INPP4A: variants seen among roughly 807,000 people sequenced by gnomAD.
The protein encoded by INPP4A is inositol polyphosphate-4-phosphatase, type I, 107kD.
In INPP4A, 33 loss-of-function variants were observed where a neutral mutation model predicts 119.8. The ratio of observed to expected loss-of-function variants is 0.28; its 90% CI spans 0.21 to 0.37. The LOEUF (loss-of-function observed/expected upper bound fraction) is 0.37. Ranked by LOEUF, INPP4A falls within the 10% of genes least tolerant of loss-of-function variation. The probability of loss-of-function intolerance (pLI) is 1.00; values close to 1 mark genes in which losing one functional copy is unlikely to be tolerated. For synonymous variants in INPP4A, 496 were observed against 500.7 expected (o/e 0.99, Z 0.12); for missense variants, 956 against 1,289.9 (o/e 0.74, Z 3.97).
rs1424568974 is a variant in INPP4A, at chr2:98,592,032, T to A, written c.*4424T>A. ...AGAAGAGCTGTTCTGTGTATAGGGGTATTGGGAACACATGGACAGAAGGAA... is the reference window on the plus strand; with the variant it reads ...AGAAGAGCTGTTCTGTGTATAGGGGAATTGGGAACACATGGACAGAAGGAA... On this transcript the variant is annotated 3_prime_UTR_variant, in exon 25 of 25. Transcript: ENST00000409851. 1 of 151,914 alleles carries A rather than the reference T, an allele frequency of 6.6e-6. No homozygotes were observed. The highest frequency in any genetic ancestry group is 1.9e-4 in the East Asian group (1 of 5,176). 9.4% of individuals were successfully genotyped at this position (151,914 alleles called of 1,614,324 possible). A position where few individuals can be genotyped will look rare whatever the true frequency, so the allele number is the denominator to read the frequency against.
intron 11 of INPP4A, 60 bp downstream of exon 11, chr2:98,544,067 T>C: frequency 7.9e-7 from 1 of 1,271,854 alleles, no homozygotes; most frequent in South Asian, 1.5e-5. Context: ...ACACACACTC[T>C]CACTCTCACT....
chr2:98,520,045 C>A lies in INPP4A; in HGVS notation c.-4C>A. ...TCAAGAAGCACATCATCACCAATGACATCATGACAGCAAGAGAGCACAGCC... is the reference window on the plus strand; with the variant it reads ...TCAAGAAGCACATCATCACCAATGAAATCATGACAGCAAGAGAGCACAGCC... On this transcript the variant is annotated 5_prime_UTR_variant, in exon 3 of 25. Coordinates refer to ENST00000409851, the MANE Select transcript of INPP4A (RefSeq NM_001134225.2). The A allele has an allele frequency of 6.3e-7, 1 of 1,575,932 alleles. No homozygotes were observed. The highest frequency in any genetic ancestry group is 8.6e-7 in the Non-Finnish European group (1 of 1,158,792).
At chr2:98,475,839 C>T (rs3769735) in intron 1 of INPP4A, among the ~76,000 whole-genome samples, 46,992 of 152,008 alleles carry the variant, frequency 0.31, 7,622 homozygotes, top group African/African-American at 0.4. Flanking sequence ...TGTGTGTCCA[C>T]CTTGCCTGCC....
chr2:98,529,255 C>T (rs1688754536), intron 4 of INPP4A, among the ~76,000 whole-genome samples: 1 of 151,982 alleles, frequency 6.6e-6, no homozygotes, highest in Non-Finnish European at 1.5e-5. Flanking sequence ...TACAAAAAGC[C>T]ACCTATTGTA....
chr2:98,572,187 G>A (rs1575141123), intron 22 of INPP4A, among the ~76,000 whole-genome samples: 1 of 152,236 alleles, frequency 6.6e-6, no homozygotes, highest in Non-Finnish European at 1.5e-5. Context: ...AGGAGTGGTT[G>A]ATTTTTCCTC....
At chr2:98,445,393 G>A (rs542219029) in intron 1 of INPP4A, among the ~76,000 whole-genome samples, 3 of 152,350 alleles carry the variant, frequency 2.0e-5, no homozygotes, top group African/African-American at 7.2e-5. Flanking sequence ...GCGGCTCCAG[G>A]GCTGGGTCTA....
chr2:98,552,789 A>C lies in INPP4A; in HGVS notation c.1167A>C (p.Thr389=), dbSNP rs1254205451. The stretch of plus-strand genomic sequence containing the variant: ...AATCCATTCTTATCCTTTCCAGTAC[A>C]TCATCTGGCTGCCAGTCCATAATCT... ...LHKFEETKKH[T]SSGCQSIIYI... The change falls in exon 14 of 25, where the codon ACA becomes ACC. Residue 389 remains threonine (T), a synonymous_variant. Coordinates refer to ENST00000409851, the MANE Select transcript of INPP4A (RefSeq NM_001134225.2). 1 of 1,611,402 alleles carries C rather than the reference A, an allele frequency of 6.2e-7. No homozygotes were observed. The highest frequency in any genetic ancestry group is 1.7e-5 in the Admixed American group (1 of 60,000).
At chr2:98,474,536 G>A (rs894921874) in intron 1 of INPP4A, among the ~76,000 whole-genome samples, 16 of 152,216 alleles carry the variant, frequency 1.1e-4, no homozygotes, top group African/African-American at 3.4e-4. Context: ...GCCAGAGCAG[G>A]TGAATGGCCT....
chr2:98,564,855 C>T (rs1696146625), intron 19 of INPP4A, 92 bp downstream of exon 19: 32 of 1,385,352 alleles, frequency 2.3e-5, no homozygotes, highest in South Asian at 1.6e-4. Context: ...ACCAGTAATG[C>T]GTGCTTATTG....
At position 98,566,660 on chromosome 2, in the gene INPP4A, CTG is replaced by C. The variant is rs1696505853; in HGVS notation, c.2420+496_2420+497del. Among the ~76,000 whole-genome samples the C allele has an allele frequency of 6.6e-6, 1 of 152,134 alleles. No individual in the cohort carries two copies. Among genetic ancestry groups the C allele is most frequent in the Non-Finnish European group, 1.5e-5 (1 of 68,018 alleles). Reference sequence around the variant, plus strand: ...ATTGGCAGGTAAGGGTAGACAGGCTCTGTGTGCCAGGCTGAGACTCATGCCTG... The same window carrying C: ...ATTGGCAGGTAAGGGTAGACAGGCTCTGTGCCAGGCTGAGACTCATGCCTG... On this transcript the variant is annotated intron_variant, in intron 21 of 24. Transcript: ENST00000409851. The surrounding 1 kb of genome is among the most constrained non-coding windows in gnomAD (Gnocchi z 4.2).
intron 1 of INPP4A, among the ~76,000 whole-genome samples, chr2:98,481,586 A>T (rs1204861918): frequency 1.3e-5 from 2 of 152,230 alleles, no homozygotes; most frequent in Non-Finnish European, 2.9e-5. Context: ...TCTCTATATA[A>T]AATGATTATA....
At chr2:98,571,573 A>C (rs1697457670) in intron 22 of INPP4A, among the ~76,000 whole-genome samples, 1 of 152,234 alleles carries the variant, frequency 6.6e-6, no homozygotes, top group Admixed American at 6.5e-5. Flanking sequence ...CCGGAAGCAG[A>C]GCAGCCAGGC....
chr2:98,554,421 C>T lies in INPP4A; in HGVS notation c.1498C>T (p.Leu500Phe). The T allele has an allele frequency of 1.2e-6, 2 of 1,613,920 alleles. No homozygotes were observed. The highest frequency in any genetic ancestry group is 1.7e-6 in the Non-Finnish European group (2 of 1,179,864). ...QVMLRNDQDT[L>F]MARWTGRNSR... ...GATGCTTAGAAATGACCAGGACACC[C>T]TCATGGCCCGGTGGACAGGGAGAAA... The change falls in exon 15 of 25, where the codon CTC becomes TTC. Residue 500 changes from leucine to phenylalanine, a missense_variant. Physicochemically the swap from Leu to Phe is conservative, Grantham distance 22. Around this residue, in one of 2 missense-constraint regions of INPP4A, gnomAD observed 652 missense variants for 797.9 expected, o/e 0.82. Transcript: ENST00000409851. The surrounding 1 kb of genome is among the most constrained non-coding windows in gnomAD (Gnocchi z 4.7).
intron 1 of INPP4A, among the ~76,000 whole-genome samples, chr2:98,478,123 C>T (rs1235534780): frequency 6.6e-6 from 1 of 152,232 alleles, no homozygotes. Flanking sequence ...ATTTTGGACA[C>T]TGCCGTAGGT....
intron 1 of INPP4A, among the ~76,000 whole-genome samples, chr2:98,475,815 G>A (rs1210691205): frequency 6.6e-6 from 1 of 152,184 alleles, no homozygotes; most frequent in Non-Finnish European, 1.5e-5. Context: ...TGGGCCTCTG[G>A]GGCGGGGGGA....
At chr2:98,474,652 C>T (rs1161083932) in intron 1 of INPP4A, among the ~76,000 whole-genome samples, 1 of 152,218 alleles carries the variant, frequency 6.6e-6, no homozygotes, top group African/African-American at 2.4e-5. Flanking sequence ...GCAGCAGACC[C>T]ATCTCACCTG....
At position 98,566,198 on chromosome 2, in the gene INPP4A, G is replaced by C. The variant is rs763206035; in HGVS notation, c.2420+29G>C. 14 of 1,552,888 alleles carry C rather than the reference G, an allele frequency of 9.0e-6. No individual in the cohort carries two copies. In the Admixed American group the frequency reaches 9.6e-5, roughly 11 times the overall value. ...CGTGCCGGCTCCTCGGGGCTGCGGG[G>C]GTGTGGTGGCCCTGGAGATGATGCA... is the stretch of plus-strand genomic sequence containing the variant. On this transcript the variant is annotated intron_variant, in intron 21 of 24. Transcript: ENST00000409851. The surrounding 1 kb of genome is among the most constrained non-coding windows in gnomAD (Gnocchi z 4.2).
At chr2:98,458,868 G>T (rs1696624681) in intron 1 of INPP4A, among the ~76,000 whole-genome samples, 1 of 152,198 alleles carries the variant, frequency 6.6e-6, no homozygotes, top group South Asian at 2.1e-4. Context: ...ATGGCAGGGA[G>T]AGAAGTACAG....
intron 24 of INPP4A, among the ~76,000 whole-genome samples, chr2:98,583,366 G>A (rs1699602998): frequency 6.6e-6 from 1 of 152,166 alleles, no homozygotes; most frequent in Non-Finnish European, 1.5e-5. Flanking sequence ...CAGTTGCGGT[G>A]GATGGAGCTG....
Sources: allele counts gnomAD v4.1 joint callset (sites outside exome capture counted in the v4.1 genomes callset), GRCh38; gene constraint gnomAD v4.1.1; regional missense constraint gnomAD v4.1.1; non-coding constraint Gnocchi (gnomAD v3.1); transcripts MANE v1.5; gene names NCBI Gene and HGNC (gene_info 2026-07-23, HGNC 2026-07-21).